Variants in CMTM4 observed in about 807,000 individuals in gnomAD.
The protein encoded by CMTM4 is CKLF like MARVEL transmembrane domain containing 4.
In CMTM4, 8 loss-of-function variants were observed where a neutral mutation model predicts 19.0. The observed-to-expected ratio is 0.42, with a 90% CI of 0.25 to 0.76. The LOEUF is 0.76. Among genes scored for constraint, CMTM4 ranks in the 30% least tolerant of loss-of-function variants. The pLI, the probability that CMTM4 is intolerant of heterozygous loss-of-function variation, is 0.27. For synonymous variants in CMTM4, 106 were observed against 121.1 expected (o/e 0.88, Z 0.82); for missense variants, 228 against 290.2 (o/e 0.79, Z 1.56).
chr16:66,650,301 A>T (rs2016287344), intron 1 of CMTM4, among the ~76,000 whole-genome samples: 1 of 152,174 alleles, frequency 6.6e-6, no homozygotes. Flanking sequence ...GTGGTTCCTA[A>T]AGTTTTCTGG....
At position 66,616,211 on chromosome 16, in the gene CMTM4, G is replaced by A. The variant is rs1217551193; in HGVS notation, c.*5847C>T. The A allele has an allele frequency of 2.0e-5, 3 of 152,062 alleles. No individual in the cohort carries two copies. The highest frequency in any genetic ancestry group is 4.4e-5 in the Non-Finnish European group (3 of 68,016). The allele number at this position is 152,062 out of a possible 1,614,324, so 9.4% of individuals were successfully genotyped here. On this transcript the variant is annotated 3_prime_UTR_variant, in exon 4 of 4. Coordinates refer to ENST00000394106, the MANE Select transcript of CMTM4 (RefSeq NM_181521.3). ...TTCCAATTCCATGATTGACAAGAGT[G>A]CTTATGCGACGCATGGAAGGCACCA... is the stretch of plus-strand genomic sequence containing the variant.
chr16:66,631,630 C>T (rs961779245), intron 2 of CMTM4, among the ~76,000 whole-genome samples: 4 of 152,156 alleles, frequency 2.6e-5, no homozygotes, highest in African/African-American at 9.7e-5. Flanking sequence ...TATGACCTTA[C>T]CCCCAACCCT....
At position 66,638,677 on chromosome 16, in the gene CMTM4, G is replaced by C. The variant is rs888422747; in HGVS notation, c.187-2096C>G. ...AGTTCGAGACCAGCCTGATTAACAC[G>C]GTGAAACCCCGTCTCTACTAAAAAT... On this transcript the variant is annotated intron_variant, in intron 1 of 3. Coordinates refer to ENST00000394106, the MANE Select transcript of CMTM4 (RefSeq NM_181521.3). Among the ~76,000 whole-genome samples the C allele has an allele frequency of 2.6e-5, 4 of 152,002 alleles. No homozygotes were observed. In the East Asian group the frequency reaches 7.7e-4, roughly 29 times the overall value.
chr16:66,691,036 G>A (rs1243365352), intron 1 of CMTM4, among the ~76,000 whole-genome samples: 2 of 152,134 alleles, frequency 1.3e-5, no homozygotes, highest in African/African-American at 4.8e-5. Context: ...AGGCTCCCTT[G>A]AGCCCAGAAG....
At chr16:66,609,702 A>G in the CMTM4 span, 3 of 1,547,884 alleles carry the variant, frequency 1.9e-6, no homozygotes, top group Admixed American at 3.9e-5. This position sits in a 1 kb window ranked among gnomAD's most constrained non-coding sequence, Gnocchi z 4.4. Context: ...CGGGGTTTTG[A>G]AAGGCTGTTT....
chr16:66,605,237 C>A, the CMTM4 span: 6 of 296,286 alleles, frequency 2.0e-5, no homozygotes, highest in South Asian at 1.2e-4. This position sits in a 1 kb window ranked among gnomAD's most constrained non-coding sequence, Gnocchi z 4.6. Flanking sequence ...GTGGGTCCTG[C>A]TGTGTGAGCC....
intron 1 of CMTM4, among the ~76,000 whole-genome samples, chr16:66,688,812 T>C (rs1345928304): frequency 2.6e-5 from 4 of 152,234 alleles, no homozygotes; most frequent in African/African-American, 9.6e-5. Context: ...CATCTTTGAT[T>C]TCTTACTTCA....
intron 1 of CMTM4, among the ~76,000 whole-genome samples, chr16:66,681,981 A>G (rs1393912384): frequency 6.6e-6 from 1 of 152,120 alleles, no homozygotes; most frequent in East Asian, 1.9e-4. Flanking sequence ...AAATGGCCAC[A>G]AGTGCTTCCT....
intron 1 of CMTM4, among the ~76,000 whole-genome samples, chr16:66,662,819 A>T (rs1327210498): frequency 6.6e-6 from 1 of 152,194 alleles, no homozygotes; most frequent in Non-Finnish European, 1.5e-5. Context: ...AGAAAGAGGA[A>T]GCAAACCCAT....
At chr16:66,605,034 C>A in the CMTM4 span, 5 of 1,238,062 alleles carry the variant, frequency 4.0e-6, no homozygotes, top group African/African-American at 4.8e-5. This position sits in a 1 kb window ranked among gnomAD's most constrained non-coding sequence, Gnocchi z 4.6. Context: ...CGGGTGGGGT[C>A]CGGGGGCGGC....
intron 1 of CMTM4, among the ~76,000 whole-genome samples, chr16:66,655,018 CAG>C (rs968119436): frequency 1.3e-5 from 2 of 152,030 alleles, no homozygotes; most frequent in African/African-American, 4.8e-5. Flanking sequence ...TTTTTTGAGA[CAG>C]AGTCTCACTC....
chr16:66,613,039 C>T, downstream of CMTM4: 1 of 702,976 alleles, frequency 1.4e-6, no homozygotes, highest in South Asian at 1.5e-5. Context: ...AAGACAGAAA[C>T]CATGACAGGG....
At chr16:66,606,311 G>T in the CMTM4 span, among the ~76,000 whole-genome samples, 1 of 152,098 alleles carries the variant, frequency 6.6e-6, no homozygotes. Context: ...ATTGAGAGGG[G>T]AATCCCCAGA....
intron 1 of CMTM4, among the ~76,000 whole-genome samples, chr16:66,693,939 T>C (rs1446054955): frequency 1.3e-5 from 2 of 151,900 alleles, no homozygotes; most frequent in East Asian, 1.9e-4. Flanking sequence ...GGTGGGTCTC[T>C]TGAGCCCAGG....
chr16:66,678,577 G>T (rs1445557838), intron 1 of CMTM4, among the ~76,000 whole-genome samples: 1 of 152,104 alleles, frequency 6.6e-6, no homozygotes, highest in Non-Finnish European at 1.5e-5. Context: ...GTACATAACT[G>T]ACAGCAATGC....
At chr16:66,691,128 T>A (rs2017127199) in intron 1 of CMTM4, among the ~76,000 whole-genome samples, 1 of 151,810 alleles carries the variant, frequency 6.6e-6, no homozygotes, top group Non-Finnish European at 1.5e-5. Context: ...AAAAAAAAAA[T>A]TCCTATTACC....
Position 66,618,329 on chromosome 16 carries a change from A to G in CMTM4, c.*3729T>C, listed in dbSNP as rs2015564254. 2.0e-6 allele frequency: 2 copies of G among 985,470 alleles called. No homozygotes were observed. Among genetic ancestry groups the G allele is most frequent in the Non-Finnish European group, 2.4e-6 (2 of 829,932 alleles). 61.0% of individuals were successfully genotyped at this position (985,470 alleles called of 1,614,324 possible). A position where few individuals can be genotyped will look rare whatever the true frequency, so the allele number is the denominator to read the frequency against. On this transcript the variant is annotated 3_prime_UTR_variant, in exon 4 of 4. Coordinates refer to ENST00000394106, the MANE Select transcript of CMTM4 (RefSeq NM_181521.3). ...GAAGATGACAGTCAGGCAGTGGCACAAAGACTTCATGACTGTTTTGTTTTG... is the reference window on the plus strand; with the variant it reads ...GAAGATGACAGTCAGGCAGTGGCACGAAGACTTCATGACTGTTTTGTTTTG...
chr16:66,653,231 T>C (rs1352548186), intron 1 of CMTM4, among the ~76,000 whole-genome samples: 1 of 152,162 alleles, frequency 6.6e-6, no homozygotes, highest in Admixed American at 6.5e-5. Flanking sequence ...GCATTTCTCA[T>C]TGAATGAGAA....
downstream of CMTM4, chr16:66,609,863 C>T: frequency 6.2e-7 from 1 of 1,614,174 alleles, no homozygotes; most frequent in Non-Finnish European, 8.5e-7. This position sits in a 1 kb window ranked among gnomAD's most constrained non-coding sequence, Gnocchi z 4.4. Flanking sequence ...TGTGATGCAT[C>T]CCATCCACCC....
Sources: gnomAD v4.1 joint callset for allele counts (sites outside exome capture counted in the v4.1 genomes callset) on GRCh38, gnomAD v4.1.1 for gene constraint, Gnocchi (gnomAD v3.1) non-coding constraint, MANE v1.5 for transcripts, NCBI Gene and HGNC (gene_info 2026-07-23, HGNC 2026-07-21) for gene names.